The following TTC28 variants were observed in gnomAD, a reference collection of about 807,000 sequenced individuals.
TTC28 encodes the protein tetratricopeptide repeat domain 28, also known as tetratricopeptide repeat protein 28.
Under a neutral mutation model 198.0 loss-of-function variants are expected in TTC28, and 61 were observed. The ratio of observed to expected loss-of-function variants is 0.31; its 90% CI spans 0.25 to 0.38. The LOEUF (loss-of-function observed/expected upper bound fraction) is 0.38. Ranked by LOEUF, TTC28 falls within the 10% of genes least tolerant of loss-of-function variation. The pLI, the probability that TTC28 is intolerant of heterozygous loss-of-function variation, is 1.00. For missense variants in TTC28, 2,678 were observed against 3,164.0 expected (o/e 0.85, Z 3.69); for synonymous variants, 1,171 against 1,297.8 (o/e 0.90, Z 2.10).
chr22:28,115,507 T>C (rs1330941360), intron 6 of TTC28, among the ~76,000 whole-genome samples: 2 of 152,242 alleles, frequency 1.3e-5, no homozygotes, highest in Admixed American at 1.3e-4. Flanking sequence ...CAGCTGCATA[T>C]GAACAGATTG....
At chr22:28,677,175 A>AATATATAT (rs143954002) in intron 1 of TTC28, among the ~76,000 whole-genome samples, 12 of 69,444 alleles carry the variant, frequency 1.7e-4, no homozygotes, top group African/African-American at 8.8e-4. Context: ...AAAAAAAAAA[A>AATATATAT]ATATATATAT....
intron 2 of TTC28, among the ~76,000 whole-genome samples, chr22:28,480,284 T>C (rs938917899): frequency 2.6e-5 from 4 of 152,214 alleles, no homozygotes; most frequent in Non-Finnish European, 5.9e-5. Context: ...GACACTTGTT[T>C]CTCATGTAAC....
chr22:27,983,481 G>T lies in TTC28; in HGVS notation c.6186C>A (p.Ile2062=). Reference sequence around the variant, plus strand: ...GGTAGGTCGCCAAGGGCTCGTTACTGATGATAGAAAACCCTTCATATTCTT... The same window carrying T: ...GGTAGGTCGCCAAGGGCTCGTTACTTATGATAGAAAACCCTTCATATTCTT... ...DEEEYEGFSI[I]SNEPLATYQE... The change falls in exon 23 of 23, where the codon ATC becomes ATA. Residue 2062 remains isoleucine (I), a synonymous_variant. Coordinates refer to ENST00000397906, the MANE Select transcript of TTC28 (RefSeq NM_001145418.2). 6.5e-7 allele frequency: 1 copy of T among 1,546,804 alleles called. No homozygotes were observed.
At chr22:28,482,207 C>CT (rs36011379) in intron 2 of TTC28, among the ~76,000 whole-genome samples, 2,699 of 66,860 alleles carry the variant, frequency 0.04, 520 homozygotes, top group African/African-American at 0.098. Flanking sequence ...AATGGGCAGT[C>CT]TTTTTTTTTT....
chr22:28,466,896 A>G (rs539591893), intron 2 of TTC28, among the ~76,000 whole-genome samples: 1 of 151,958 alleles, frequency 6.6e-6, no homozygotes, highest in African/African-American at 2.4e-5. Context: ...TAAGTAATAC[A>G]TTAGGAGGAT....
rs146485720 is a variant in TTC28, at chr22:28,273,637, A to G, written c.933+22561T>C. On this transcript the variant is annotated intron_variant, in intron 5 of 22. Transcript: ENST00000397906. ...CATGGTACAAAGGTATAATATATGC[A>G]GTAGAAGACCTAGAATAGACAGGAA... Among the ~76,000 whole-genome samples, 350 of 152,324 alleles carry G rather than the reference A, an allele frequency of 2.3e-3. 3 individuals are homozygous for G. The highest frequency in any genetic ancestry group is 7.9e-3 in the African/African-American group (330 of 41,590).
rs549497322 is a variant in TTC28 at position 28,109,494 on chromosome 22, G to C, written c.1442-1091C>G. Among the ~76,000 whole-genome samples, 5 of 152,262 alleles carry C rather than the reference G, an allele frequency of 3.3e-5. No individual in the cohort carries two copies. The East Asian group carries it at 9.6e-4, about 29-fold the overall frequency. ...AGTAATTTTTGTTCTAAAATCTCTT[G>C]TAATTCTGCTATACTGCTTTTACAA... On this transcript the variant is annotated intron_variant, in intron 6 of 22. Transcript: ENST00000397906.
intron 2 of TTC28, among the ~76,000 whole-genome samples, chr22:28,542,939 ATATT>A (rs1391285067): frequency 1.3e-5 from 2 of 152,370 alleles, no homozygotes; most frequent in East Asian, 3.9e-4. Flanking sequence ...GAATTCAACA[ATATT>A]CATTCATGCT....
At chr22:28,544,661 A>C (rs1327214130) in intron 2 of TTC28, among the ~76,000 whole-genome samples, 1 of 152,184 alleles carries the variant, frequency 6.6e-6, no homozygotes, top group Non-Finnish European at 1.5e-5. Flanking sequence ...CTGATAAAAC[A>C]GGATGTGATA....
chr22:28,001,594 C>A (rs1240427793), intron 14 of TTC28, 41 bp from the exon 15 acceptor site: 1 of 1,534,540 alleles, frequency 6.5e-7, no homozygotes, highest in Admixed American at 2.0e-5. Flanking sequence ...GGTGGCCCAG[C>A]AGGCAGGGGT....
At chr22:28,678,939 G>A (rs2052045133) in intron 1 of TTC28, among the ~76,000 whole-genome samples, 1 of 152,158 alleles carries the variant, frequency 6.6e-6, no homozygotes, top group Non-Finnish European at 1.5e-5. Flanking sequence ...ATTTTGATCA[G>A]GTGCTCCCAA....
chr22:28,027,080 A>AT (rs2146620471), intron 13 of TTC28, among the ~76,000 whole-genome samples: 1 of 152,314 alleles, frequency 6.6e-6, no homozygotes, highest in African/African-American at 2.4e-5. Context: ...ACATACACAC[A>AT]TATCATATAT....
At chr22:28,110,144 G>T (rs116871984) in intron 6 of TTC28, among the ~76,000 whole-genome samples, 334 of 152,294 alleles carry the variant, frequency 2.2e-3, no homozygotes, top group Non-Finnish European at 3.7e-3. Context: ...GTCAGGGCAG[G>T]GCAGGAGCTG....
Position 28,107,460 on chromosome 22 carries a change from T to C in TTC28, c.2385A>G (p.Arg795=), listed in dbSNP as rs1351735493. ...QELSDLPGEC[R]AHGHLAAVYM... is the part of the protein sequence containing the mutation. Reference sequence around the variant, plus strand: ...AGACAGCAGCCAGGTGCCCATGAGCTCTGCACTCCCCTGGCAAGTCACTCA... The same window carrying C: ...AGACAGCAGCCAGGTGCCCATGAGCCCTGCACTCCCCTGGCAAGTCACTCA... The change falls in exon 7 of 23, where the codon AGA becomes AGG. Residue 795 remains arginine, a synonymous_variant. Transcript: ENST00000397906. 3.9e-6 allele frequency: 6 copies of C among 1,551,738 alleles called. No individual in the cohort carries two copies. In the Admixed American group the frequency reaches 7.8e-5, roughly 20 times the overall value.
chr22:28,035,961 C>G (rs940013174), intron 12 of TTC28, among the ~76,000 whole-genome samples: 2 of 152,098 alleles, frequency 1.3e-5, no homozygotes, highest in African/African-American at 4.8e-5. Flanking sequence ...TATATGCACC[C>G]AATACAGGAG....
intron 2 of TTC28, among the ~76,000 whole-genome samples, chr22:28,531,778 T>C (rs1336211443): frequency 6.6e-6 from 1 of 152,156 alleles, no homozygotes; most frequent in Non-Finnish European, 1.5e-5. Flanking sequence ...CTCAACTACA[T>C]GGAAACTGAA....
At chr22:28,363,139 A>G (rs1656589185) in intron 2 of TTC28, among the ~76,000 whole-genome samples, 2 of 152,302 alleles carry the variant, frequency 1.3e-5, no homozygotes, top group South Asian at 4.1e-4. Context: ...CTCCCATCAC[A>G]GGCCTGAAGG....
intron 5 of TTC28, among the ~76,000 whole-genome samples, chr22:28,265,638 G>A (rs1444429384): frequency 6.6e-6 from 1 of 152,106 alleles, no homozygotes; most frequent in African/African-American, 2.4e-5. Context: ...GGTTGCTGAT[G>A]ATTGACTATA....
chr22:28,419,619 G>A (rs1276144693), intron 2 of TTC28, among the ~76,000 whole-genome samples: 1 of 152,062 alleles, frequency 6.6e-6, no homozygotes, highest in Admixed American at 6.5e-5. Flanking sequence ...ACAGCCTATC[G>A]ACAATCTAAA....
Sources: allele counts gnomAD v4.1 joint callset (sites outside exome capture counted in the v4.1 genomes callset), GRCh38; gene constraint gnomAD v4.1.1; transcripts MANE v1.5; gene names NCBI Gene and HGNC (gene_info 2026-07-23, HGNC 2026-07-21).